The following TMEM164 variants were observed in gnomAD, a reference collection of about 807,000 sequenced individuals.
TMEM164 encodes the protein RP13-360B22.2.
Under a neutral mutation model 18.8 loss-of-function variants are expected in TMEM164, and 4 were observed. That is an observed-to-expected ratio of 0.21 (90% CI 0.10 to 0.49). The LOEUF (loss-of-function observed/expected upper bound fraction) is 0.49. Among genes scored for constraint, TMEM164 ranks in the 20% least tolerant of loss-of-function variants. The pLI is 0.98. For synonymous variants in TMEM164, 86 were observed against 101.7 expected (o/e 0.85, Z 0.93); for missense variants, 108 against 239.9 (o/e 0.45, Z 3.63).
At chrX:110,096,699 A>G (rs1162947470) in intron 3 of TMEM164, among the ~76,000 whole-genome samples, 1 of 111,926 alleles carries the variant, frequency 8.9e-6, no homozygotes, top group Non-Finnish European at 1.9e-5. Context: ...ACTGTCCAAC[A>G]ATCCCCAGTG....
chrX:110,179,074 G>A (rs1386686081), downstream of TMEM164, among the ~76,000 whole-genome samples: 1 of 111,535 alleles, frequency 9.0e-6, no homozygotes, highest in East Asian at 2.8e-4. Flanking sequence ...GAGGAATCAA[G>A]GCCTGTCAGC....
intron 2 of TMEM164, among the ~76,000 whole-genome samples, chrX:110,019,889 A>G (rs1209702311): frequency 9.0e-6 from 1 of 111,463 alleles, no homozygotes. Flanking sequence ...TATTTAGTAT[A>G]TTCTTCCATG....
At chrX:110,056,190 C>T (rs1245311927) in intron 2 of TMEM164, among the ~76,000 whole-genome samples, 1 of 109,325 alleles carries the variant, frequency 9.1e-6, no homozygotes, top group Non-Finnish European at 1.9e-5. Context: ...ACCTTTCCCC[C>T]ACTCACCAGC....
At chrX:110,108,224 A>G (rs1014280620) in intron 3 of TMEM164, among the ~76,000 whole-genome samples, 2 of 108,860 alleles carry the variant, frequency 1.8e-5, no homozygotes, top group African/African-American at 3.4e-5. Context: ...CGTTTCTTCA[A>G]GAGGAACAGA....
chrX:110,130,342 C>T (rs1218058904), intron 4 of TMEM164, among the ~76,000 whole-genome samples: 2 of 111,792 alleles, frequency 1.8e-5, no homozygotes, highest in Admixed American at 1.9e-4. Context: ...CCATTTTCAT[C>T]CTGGCTCTGT....
intron 4 of TMEM164, among the ~76,000 whole-genome samples, chrX:110,123,813 C>CA (rs1258420213): frequency 1.8e-5 from 2 of 111,094 alleles, no homozygotes; most frequent in East Asian, 2.8e-4. Context: ...CCTGTCTGTA[C>CA]AAAAAATAAA....
At position 110,134,079 on chromosome X, in the gene TMEM164, G is replaced by A. The variant is rs746169946; in HGVS notation, c.508-10719G>A. Reference sequence around the variant, plus strand: ...GTTTTTCAAACCAGGAAATACACTTGCACAAGTGGCTGTGCCACCAGAACA... The same window carrying A: ...GTTTTTCAAACCAGGAAATACACTTACACAAGTGGCTGTGCCACCAGAACA... On this transcript the variant is annotated intron_variant, in intron 4 of 6. Transcript: ENST00000372068. Among the ~76,000 whole-genome samples the A allele has an allele frequency of 1.8e-4, 20 of 111,743 alleles. No individual in the cohort carries two copies. The South Asian group carries it at 7.5e-3, about 42-fold the overall frequency.
chrX:110,042,011 T>A (rs2147785190), intron 2 of TMEM164, among the ~76,000 whole-genome samples: 1 of 112,194 alleles, frequency 8.9e-6, no homozygotes, highest in East Asian at 2.8e-4. Flanking sequence ...TTTAAAAAAA[T>A]TAGTTAAATA....
At chrX:110,156,958 A>G (rs932334931) in intron 5 of TMEM164, among the ~76,000 whole-genome samples, 2 of 111,926 alleles carry the variant, frequency 1.8e-5, no homozygotes, top group Middle Eastern at 9.1e-3. Context: ...AGATGATTTT[A>G]CTTGAGTTTG....
intron 4 of TMEM164, among the ~76,000 whole-genome samples, chrX:110,126,803 G>A (rs2066535565): frequency 1.1e-5 from 1 of 93,155 alleles, no homozygotes; most frequent in South Asian, 5.6e-4. Flanking sequence ...TCCTGGCTGG[G>A]CCACTCCTGT....
At chrX:110,062,218 C>A (rs1000980831) in intron 2 of TMEM164, among the ~76,000 whole-genome samples, 1 of 112,107 alleles carries the variant, frequency 8.9e-6, no homozygotes, top group East Asian at 2.8e-4. Context: ...TAGCTCTTTA[C>A]AACTCAGTTG....
chrX:110,043,048 T>G (rs1369692504), intron 2 of TMEM164, among the ~76,000 whole-genome samples: 1 of 112,445 alleles, frequency 8.9e-6, no homozygotes, highest in Non-Finnish European at 1.9e-5. Context: ...ATTTCCATGG[T>G]CAATTCCAAG....
At chrX:110,029,988 TG>T (rs1934379135) in intron 2 of TMEM164, among the ~76,000 whole-genome samples, 1 of 110,355 alleles carries the variant, frequency 9.1e-6, no homozygotes, top group Non-Finnish European at 1.9e-5. Flanking sequence ...AAGTAGCATA[TG>T]ATCATAAATT....
In TMEM164 at chrX:110,071,716, CAAAAAAA is replaced by C. The variant is rs59182790; in HGVS notation, c.440+4337_440+4343del. Among the ~76,000 whole-genome samples the C allele has an allele frequency of 7.1e-3, 307 of 43,361 alleles. 1 individual carries two copies. The highest frequency in any genetic ancestry group is 8.6e-3 in the Non-Finnish European group (231 of 26,931). The allele number at this position is 43,361 out of a possible 115,157, so 37.7% of individuals were successfully genotyped here. ...ACAACATACCAGGACTTTGTCTCTA[CAAAAAAA>C]AAAAAAAAAAAAAAAATTAAAATTA... On this transcript the variant is annotated intron_variant, in intron 3 of 6. Transcript: ENST00000372068.
intron 2 of TMEM164, among the ~76,000 whole-genome samples, chrX:110,012,563 C>T (rs1361973904): frequency 8.9e-6 from 1 of 112,130 alleles, no homozygotes; most frequent in Non-Finnish European, 1.9e-5. Flanking sequence ...CCTCTTCTCT[C>T]CCGCTAAAGC....
intron 5 of TMEM164, among the ~76,000 whole-genome samples, chrX:110,152,066 T>TTTTTTTTTTTTTTTTTTTTTC: frequency 9.9e-6 from 1 of 100,968 alleles, no homozygotes; most frequent in Non-Finnish European, 2.0e-5. Context: ...CTTTTTTTTT[T>TTTTTTTTTTTTTTTTTTTTTC]TTTTGTCTGA....
chrX:110,057,711 CTG>C (rs1935912027), intron 2 of TMEM164, among the ~76,000 whole-genome samples: 4 of 110,418 alleles, frequency 3.6e-5, no homozygotes, highest in African/African-American at 1.3e-4. Context: ...TGAGATCTCA[CTG>C]TGGTTTTCAT....
chrX:110,004,582 T>C (rs1159651558), intron 2 of TMEM164, among the ~76,000 whole-genome samples: 1 of 112,294 alleles, frequency 8.9e-6, no homozygotes, highest in African/African-American at 3.2e-5. Flanking sequence ...CACTCTTTCC[T>C]GGAGGTGGTC....
At chrX:110,014,213 T>G (rs1422333340) in intron 2 of TMEM164, among the ~76,000 whole-genome samples, 1 of 111,664 alleles carries the variant, frequency 9.0e-6, no homozygotes, top group Non-Finnish European at 1.9e-5. Context: ...GTCATCATCA[T>G]TCTCACTATG....
Sources: gnomAD v4.1 joint callset for allele counts (sites outside exome capture counted in the v4.1 genomes callset) on GRCh38, gnomAD v4.1.1 for gene constraint, MANE v1.5 for transcripts, NCBI Gene and HGNC (gene_info 2026-07-23, HGNC 2026-07-21) for gene names.